Variants in COG3 observed in about 807,000 individuals in gnomAD.
COG3 encodes the protein conserved oligomeric Golgi complex subunit 3.
COG3 carries 32 observed loss-of-function variants against 114.1 expected under a neutral mutation model. That is an observed-to-expected ratio of 0.28 (90% CI 0.21 to 0.38). The LOEUF is 0.38. Ranked by LOEUF, COG3 falls within the 10% of genes least tolerant of loss-of-function variation. COG3 has a pLI of 1.00. For synonymous variants in COG3, 352 were observed against 365.7 expected, an observed-to-expected ratio of 0.96 and a Z score of 0.43; for missense variants, 813 against 973.2, an observed-to-expected ratio of 0.84 and a Z score of 2.19.
intron 20 of COG3, among the ~76,000 whole-genome samples, chr13:45,528,136 G>A (rs1872850151): frequency 6.6e-6 from 1 of 151,994 alleles, no homozygotes; most frequent in African/African-American, 2.4e-5. Context: ...ATTGATTCTT[G>A]CAAAATATAG....
intron 13 of COG3, among the ~76,000 whole-genome samples, chr13:45,496,649 G>T: frequency 6.6e-6 from 1 of 152,040 alleles, no homozygotes; most frequent in East Asian, 1.9e-4. Flanking sequence ...TTGTTAGGTT[G>T]TCTTTCCTTC....
At chr13:45,512,038 T>A (rs755690665) in intron 16 of COG3, 184 bp downstream of exon 16, 34 of 527,920 alleles carry the variant, frequency 6.4e-5, no homozygotes, top group Non-Finnish European at 1.1e-4. Context: ...CTGTACTATA[T>A]AAGAGAGTCC....
At chr13:45,502,621 A>G (rs2137858748) in intron 13 of COG3, among the ~76,000 whole-genome samples, 1 of 151,978 alleles carries the variant, frequency 6.6e-6, no homozygotes, top group East Asian at 1.9e-4. Flanking sequence ...TTCTCTGGCT[A>G]TTAATTTTTT....
chr13:45,508,029 G>A (rs1277246550), intron 14 of COG3, among the ~76,000 whole-genome samples: 72 of 122,316 alleles, frequency 5.9e-4, no homozygotes, highest in Middle Eastern at 6.2e-3. Flanking sequence ...AGATTGCGCC[G>A]CTGCACTCCA....
At chr13:45,471,346 G>C (rs1015112879) in intron 1 of COG3, among the ~76,000 whole-genome samples, 1 of 152,292 alleles carries the variant, frequency 6.6e-6, no homozygotes. Flanking sequence ...TTGAGCCCTG[G>C]AAATCAAGGC....
At chr13:45,481,618 G>T (rs1886253578) in intron 5 of COG3, among the ~76,000 whole-genome samples, 1 of 152,094 alleles carries the variant, frequency 6.6e-6, no homozygotes. Context: ...TTTTGCTGTG[G>T]TTATGCTACC....
chr13:45,502,278 C>T (rs539052958), intron 13 of COG3, among the ~76,000 whole-genome samples: 3 of 152,194 alleles, frequency 2.0e-5, no homozygotes, highest in South Asian at 2.1e-4. Context: ...ATAAGAATGC[C>T]TGTTTTAATT....
chr13:45,498,910 ATG>A (rs1247168130), intron 13 of COG3, among the ~76,000 whole-genome samples: 1 of 151,110 alleles, frequency 6.6e-6, no homozygotes, highest in Non-Finnish European at 1.5e-5. Context: ...CTTGCACAAG[ATG>A]ATACAGGCGT....
intron 3 of COG3, 47 bp from the exon 4 acceptor site, chr13:45,480,078 T>C (rs1164882917): frequency 6.7e-7 from 1 of 1,503,394 alleles, no homozygotes; most frequent in South Asian, 1.3e-5. Context: ...ACTGTGCTTA[T>C]TGGGGGAAAA....
intron 7 of COG3, among the ~76,000 whole-genome samples, chr13:45,484,573 CTTGCTTATTTAT>C (rs1169596999): frequency 1.7e-5 from 2 of 119,932 alleles, no homozygotes; most frequent in African/African-American, 8.3e-5. Context: ...TCTCCCTAAG[CTTGCTTATTTAT>C]TTATTTATTT....
Position 45,491,429 on chromosome 13 carries a change from A to G in COG3, c.986A>G (p.Asn329Ser). The change falls in exon 10 of 23, where the codon AAT becomes AGT. Residue 329 changes from asparagine to serine, a missense_variant. Coordinates refer to ENST00000349995, the MANE Select transcript of COG3 (RefSeq NM_031431.4). ...EKIPEYQQLL[N>S]DIHQCYLDQR... ...TCTGTCAGATACCAACAACTGCTAA[A>G]TGATATCCACCAGTGTTACCTTGAT... The G allele has an allele frequency of 1.2e-6, 2 of 1,610,382 alleles. No individual in the cohort carries two copies. The highest frequency in any genetic ancestry group is 1.3e-5 in the African/African-American group (1 of 74,834).
intron 3 of COG3, among the ~76,000 whole-genome samples, chr13:45,479,654 G>C (rs1886125640): frequency 6.6e-6 from 1 of 152,178 alleles, no homozygotes; most frequent in Non-Finnish European, 1.5e-5. Flanking sequence ...AGCAACCTGA[G>C]GCCTGGAAAT....
chr13:45,508,452 ATGTG>A (rs1365518703), intron 14 of COG3, among the ~76,000 whole-genome samples: 1 of 148,796 alleles, frequency 6.7e-6, no homozygotes, highest in Non-Finnish European at 1.5e-5. Context: ...ATATATGTGT[ATGTG>A]TGTATTTGTA....
intron 8 of COG3, among the ~76,000 whole-genome samples, chr13:45,489,819 ATTTTTTT>A (rs66501920): frequency 6.8e-6 from 1 of 146,204 alleles, no homozygotes; most frequent in South Asian, 2.1e-4. Context: ...ATTCCAATGG[ATTTTTTT>A]TTTTTTTTTG....
intron 4 of COG3, among the ~76,000 whole-genome samples, chr13:45,481,016 G>A (rs1428528994): frequency 1.3e-5 from 2 of 152,138 alleles, no homozygotes; most frequent in Non-Finnish European, 1.5e-5. Context: ...TTTTAAAAAT[G>A]CGATCATTTA....
intron 12 of COG3, among the ~76,000 whole-genome samples, chr13:45,494,905 G>T (rs1285700377): frequency 1.4e-5 from 2 of 147,462 alleles, no homozygotes; most frequent in African/African-American, 5.0e-5. Context: ...CTGTGCAGTG[G>T]CGCGATCTCG....
At chr13:45,485,120 C>T (rs1351458043) in intron 7 of COG3, among the ~76,000 whole-genome samples, 2 of 149,526 alleles carry the variant, frequency 1.3e-5, no homozygotes, top group Non-Finnish European at 3.0e-5. Context: ...ACTGGGCACA[C>T]CTCCCAGACG....
Position 45,536,024 on chromosome 13 carries a change from CTGAT to C in COG3, c.*1296_*1299del, listed in dbSNP as rs1029484958. On this transcript the variant is annotated 3_prime_UTR_variant, in exon 23 of 23. Coordinates refer to ENST00000349995, the MANE Select transcript of COG3 (RefSeq NM_031431.4). Reference sequence around the variant, plus strand: ...GCAGCACTTCTGCAGGGTGCATACCCTGATTGTTGTCATTTGTAACAGGTCACTT... The same window carrying C: ...GCAGCACTTCTGCAGGGTGCATACCCTGTTGTCATTTGTAACAGGTCACTT... 14 of 211,458 alleles carry C rather than the reference CTGAT, an allele frequency of 6.6e-5. No homozygotes were observed. Among genetic ancestry groups the C allele is most frequent in the Middle Eastern group, 1.0e-3 (2 of 1,992 alleles). 13.1% of individuals were successfully genotyped at this position (211,458 alleles called of 1,614,324 possible). A position where few individuals can be genotyped will look rare whatever the true frequency, so the allele number is the denominator to read the frequency against.
At chr13:45,509,132 C>T (rs1300088181) in intron 14 of COG3, among the ~76,000 whole-genome samples, 1 of 151,924 alleles carries the variant, frequency 6.6e-6, no homozygotes, top group Non-Finnish European at 1.5e-5. Flanking sequence ...CTCCGGCTCC[C>T]AGGTTCAAGC....
Sources: gnomAD v4.1 joint callset for allele counts (sites outside exome capture counted in the v4.1 genomes callset) on GRCh38, gnomAD v4.1.1 for gene constraint, MANE v1.5 for transcripts, NCBI Gene and HGNC (gene_info 2026-07-23, HGNC 2026-07-21) for gene names.